The following KCNH5 variants were observed in gnomAD, a reference collection of about 807,000 sequenced individuals.
KCNH5 encodes the protein potassium voltage-gated channel subfamily H member 5.
Under a neutral mutation model 96.1 loss-of-function variants are expected in KCNH5, and 46 were observed. The observed-to-expected ratio is 0.48, with a 90% CI of 0.38 to 0.61. KCNH5 has a LOEUF of 0.61. KCNH5 is among the 20% of genes least tolerant of loss of function. KCNH5 has a pLI of 0.00. For synonymous variants in KCNH5, 439 were observed against 449.8 expected, an observed-to-expected ratio of 0.98 and a Z score of 0.30; for missense variants, 907 against 1,225.8, an observed-to-expected ratio of 0.74 and a Z score of 3.88.
chr14:62,977,584 G>A (rs1890526053), intron 6 of KCNH5, among the ~76,000 whole-genome samples: 1 of 152,088 alleles, frequency 6.6e-6, no homozygotes, highest in Admixed American at 6.6e-5. Flanking sequence ...TTGGTGACAT[G>A]GAAGCAAATA....
chr14:62,729,086 C>T (rs993352345), intron 10 of KCNH5, among the ~76,000 whole-genome samples: 3 of 152,010 alleles, frequency 2.0e-5, no homozygotes, highest in African/African-American at 7.2e-5. Flanking sequence ...TTTCTTTTTC[C>T]CAAGGCTATG....
intron 6 of KCNH5, among the ~76,000 whole-genome samples, chr14:62,961,835 G>C (rs1260778210): frequency 2.0e-5 from 3 of 150,256 alleles, no homozygotes; most frequent in Admixed American, 6.6e-5. Flanking sequence ...GATAGAGATG[G>C]AGATGGAGAT....
chr14:63,033,250 C>A (rs183578593), intron 1 of KCNH5, among the ~76,000 whole-genome samples: 6 of 152,326 alleles, frequency 3.9e-5, no homozygotes, highest in East Asian at 3.9e-4. Flanking sequence ...AACAGCCAGG[C>A]CCCTAACTGT....
At chr14:62,724,188 C>G (rs182978232) in intron 10 of KCNH5, among the ~76,000 whole-genome samples, 2 of 152,110 alleles carry the variant, frequency 1.3e-5, no homozygotes. Flanking sequence ...TAGTACCACC[C>G]CCAATTTGAT....
At chr14:62,740,018 G>A (rs1324848373) in intron 10 of KCNH5, among the ~76,000 whole-genome samples, 10 of 151,980 alleles carry the variant, frequency 6.6e-5, no homozygotes, top group East Asian at 3.9e-4. Flanking sequence ...CTTTCCTCTC[G>A]ACAGACAAAC....
chr14:62,910,899 C>CCACACACACACACA (rs1555363113), intron 7 of KCNH5, among the ~76,000 whole-genome samples: 141 of 140,360 alleles, frequency 1.0e-3, no homozygotes, highest in East Asian at 5.2e-3. Flanking sequence ...TGTGCATACA[C>CCACACACACACACA]CACACACACA....
chr14:62,896,593 C>G (rs1173029607), intron 7 of KCNH5, among the ~76,000 whole-genome samples: 3 of 152,178 alleles, frequency 2.0e-5, no homozygotes, highest in Admixed American at 2.0e-4. Context: ...CAACGTAGCA[C>G]ATGTTGTCCA....
chr14:62,861,132 G>A (rs528289463), intron 7 of KCNH5, among the ~76,000 whole-genome samples: 1 of 152,306 alleles, frequency 6.6e-6, no homozygotes, highest in Admixed American at 6.5e-5. Flanking sequence ...GTTAAAAGAT[G>A]CAAAGCTGGA....
At chr14:62,930,747 T>C (rs545381136) in intron 7 of KCNH5, among the ~76,000 whole-genome samples, 2 of 152,150 alleles carry the variant, frequency 1.3e-5, no homozygotes, top group Non-Finnish European at 2.9e-5. Flanking sequence ...TTTTTTTAAA[T>C]TTAGTTCACA....
intron 5 of KCNH5, 71 bp downstream of exon 5, chr14:62,987,001 T>C (rs762205435): frequency 4.7e-5 from 45 of 963,664 alleles, no homozygotes; most frequent in Middle Eastern, 2.1e-4. Flanking sequence ...AATATCTATA[T>C]TAAATCATTT....
intron 1 of KCNH5, among the ~76,000 whole-genome samples, chr14:63,027,304 ATTGTATAT>A (rs1891541877): frequency 6.6e-6 from 1 of 151,998 alleles, no homozygotes; most frequent in Non-Finnish European, 1.5e-5. Context: ...ATAGCAATAT[ATTGTATAT>A]TTGAAAATCT....
At chr14:62,936,500 C>G (rs111982252) in intron 7 of KCNH5, among the ~76,000 whole-genome samples, 1 of 151,262 alleles carries the variant, frequency 6.6e-6, no homozygotes, top group East Asian at 2.0e-4. Context: ...CATGGTGAAC[C>G]CTGTCTTTAC....
chr14:62,890,624 G>A (rs77204126), intron 7 of KCNH5, among the ~76,000 whole-genome samples: 4,153 of 150,782 alleles, frequency 0.028, 186 homozygotes, highest in African/African-American at 0.096. Flanking sequence ...GCGTGAACCC[G>A]GGAGGCGGAG....
chr14:62,971,837 C>T (rs1269233812), intron 6 of KCNH5, among the ~76,000 whole-genome samples: 1 of 151,578 alleles, frequency 6.6e-6, no homozygotes, highest in African/African-American at 2.4e-5. Flanking sequence ...ACAGACCCTA[C>T]ACCCTTCACA....
chr14:62,870,697 G>A (rs1888236593), intron 7 of KCNH5, among the ~76,000 whole-genome samples: 1 of 152,000 alleles, frequency 6.6e-6, no homozygotes, highest in Admixed American at 6.6e-5. Context: ...TTAATACAAA[G>A]TATTTTGGAA....
At chr14:62,712,888 G>A (rs370212226) in intron 10 of KCNH5, among the ~76,000 whole-genome samples, 155 of 152,242 alleles carry the variant, frequency 1.0e-3, no homozygotes, top group African/African-American at 3.6e-3. Context: ...TCCCCTTCAA[G>A]GACACCTTGT....
intron 10 of KCNH5, among the ~76,000 whole-genome samples, chr14:62,746,168 T>G (rs1885371396): frequency 6.6e-6 from 1 of 152,210 alleles, no homozygotes. Context: ...CTTCAACAAA[T>G]TAAACAATTC....
At chr14:62,969,164 G>A (rs763808681) in intron 6 of KCNH5, among the ~76,000 whole-genome samples, 2 of 151,980 alleles carry the variant, frequency 1.3e-5, no homozygotes, top group Non-Finnish European at 2.9e-5. Flanking sequence ...TAAATAACAC[G>A]AGTCAAAGAA....
At chr14:62,970,596 T>C (rs577528970) in intron 6 of KCNH5, among the ~76,000 whole-genome samples, 60 of 152,288 alleles carry the variant, frequency 3.9e-4, no homozygotes, top group Non-Finnish European at 6.5e-4. Flanking sequence ...AAATGTTTTG[T>C]TAATATTTGA....
Sources: allele counts gnomAD v4.1 joint callset (sites outside exome capture counted in the v4.1 genomes callset), GRCh38; gene constraint gnomAD v4.1.1; transcripts MANE v1.5; gene names NCBI Gene and HGNC (gene_info 2026-07-23, HGNC 2026-07-21).